Variants in POMT1 observed in about 807,000 individuals in gnomAD.
The protein encoded by POMT1 is protein O-mannosyl-transferase 1.
In POMT1, 85 loss-of-function variants were observed where a neutral mutation model predicts 101.6. The ratio of observed to expected loss-of-function variants is 0.84; its 90% CI spans 0.70 to 1.00. The LOEUF is 1.00. Among genes scored for constraint, POMT1 ranks in the 50% least tolerant of loss-of-function variants. The pLI is 0.00. For synonymous variants in POMT1, 371 were observed against 383.0 expected (o/e 0.97, Z 0.37); for missense variants, 857 against 930.4 (o/e 0.92, Z 1.03).
rs1177213981 is a variant in POMT1 at position 131,519,244 on chromosome 9, G to A, written c.1487-145G>A. 3.1e-6 allele frequency: 3 copies of A among 952,512 alleles called. No homozygotes were observed. The highest frequency in any genetic ancestry group is 4.9e-6 in the Non-Finnish European group (3 of 615,190). The allele number at this position is 952,512 out of a possible 1,614,324, so 59.0% of individuals were successfully genotyped here. A position where few individuals can be genotyped will look rare whatever the true frequency, so the allele number is the denominator to read the frequency against. Reference sequence around the variant, plus strand: ...GACCGGGCAGTCTTGGGTGTGGTGGGGAAAGCTAAGTGGAATGATGCGGTT... The same window carrying A: ...GACCGGGCAGTCTTGGGTGTGGTGGAGAAAGCTAAGTGGAATGATGCGGTT... On this transcript the variant is annotated intron_variant, in intron 15 of 19. Transcript: ENST00000402686. The surrounding 1 kb of genome is among the most constrained non-coding windows in gnomAD (Gnocchi z 4.3).
intron 17 of POMT1, 30 bp downstream of exon 17, chr9:131,520,223 C>A: frequency 6.5e-7 from 1 of 1,541,312 alleles, no homozygotes; most frequent in Non-Finnish European, 9.0e-7. Context: ...AGCTGACAGT[C>A]ATAGATTCAT....
At chr9:131,508,788 T>TA in intron 5 of POMT1, 123 bp from the exon 6 acceptor site, 1 of 726,446 alleles carries the variant, frequency 1.4e-6, no homozygotes, top group Non-Finnish European at 2.5e-6. Context: ...TGTTTTAACA[T>TA]TCACAACAGC....
chr9:131,517,581 C>G (rs1488559896), intron 13 of POMT1, among the ~76,000 whole-genome samples: 1 of 152,154 alleles, frequency 6.6e-6, no homozygotes, highest in Non-Finnish European at 1.5e-5. Flanking sequence ...TCCAGATTGG[C>G]TGTTCCATTT....
At chr9:131,506,807 G>C in intron 4 of POMT1, 1 of 356,070 alleles carries the variant, frequency 2.8e-6, no homozygotes, top group South Asian at 2.4e-5. Context: ...GCTGGCTCAC[G>C]CCTGTAATCC....
chr9:131,519,926 G>T lies in POMT1; in HGVS notation c.1585-154G>T, dbSNP rs1289121092. ...AGGCCACATTCAGGGCTGGAATCCA[G>T]GTTCTCATCATGCTGCCTCCGATGC... On this transcript the variant is annotated intron_variant, in intron 16 of 19. Coordinates refer to ENST00000402686, the MANE Select transcript of POMT1 (RefSeq NM_001077365.2). The surrounding 1 kb of genome is among the most constrained non-coding windows in gnomAD (Gnocchi z 4.3). 1.3e-5 allele frequency among the ~76,000 whole-genome samples: 2 copies of T among 152,202 alleles called. No homozygotes were observed. The highest frequency in any genetic ancestry group is 6.5e-5 in the Admixed American group (1 of 15,288).
chr9:131,504,153 G>T, intron 1 of POMT1, 36 bp from the exon 2 acceptor site: 1 of 1,612,602 alleles, frequency 6.2e-7, no homozygotes. Flanking sequence ...CCTCTCGTGA[G>T]CCCTCATGGA....
chr9:131,522,389 A>G lies in POMT1; in HGVS notation c.2003+165A>G. The G allele has an allele frequency of 1.6e-5, 22 of 1,378,064 alleles. No individual in the cohort carries two copies. Among genetic ancestry groups the G allele is most frequent in the Non-Finnish European group, 2.0e-5 (21 of 1,028,560 alleles). 85.4% of individuals were successfully genotyped at this position (1,378,064 alleles called of 1,614,324 possible). A position where few individuals can be genotyped will look rare whatever the true frequency, so the allele number is the denominator to read the frequency against. On this transcript the variant is annotated intron_variant, in intron 19 of 19. Coordinates refer to ENST00000402686, the MANE Select transcript of POMT1 (RefSeq NM_001077365.2). This position sits in a 1 kb window ranked among gnomAD's most constrained non-coding sequence, Gnocchi z 5.5. ...GGTGAGGTTCAGAAGAGATGCCCAG[A>G]TGAGGCACTGCAGGAACCCAGAGGG...
Position 131,521,327 on chromosome 9 carries a change from A to G in POMT1, c.1699-19A>G, listed in dbSNP as rs761855332. The G allele has an allele frequency of 5.1e-5, 83 of 1,614,128 alleles. 1 individual carries two copies. In the Admixed American group the frequency reaches 1.3e-3, roughly 26 times the overall value. ...GAGCAGAGGGCAGGTGGCTAACAGCATCTCCCATGTTCCCTTAGGCTCAGA... is the reference window on the plus strand; with the variant it reads ...GAGCAGAGGGCAGGTGGCTAACAGCGTCTCCCATGTTCCCTTAGGCTCAGA... On this transcript the variant is annotated intron_variant, in intron 17 of 19. Coordinates refer to ENST00000402686, the MANE Select transcript of POMT1 (RefSeq NM_001077365.2).
In POMT1 at chr9:131,522,213, C is replaced by T. The variant is rs1316365355; in HGVS notation, c.1992C>T (p.Asp664=). 1 of 1,613,760 alleles carries T rather than the reference C, an allele frequency of 6.2e-7. No individual in the cohort carries two copies. Among genetic ancestry groups the T allele is most frequent in the African/African-American group, 1.3e-5 (1 of 75,064 alleles). ...CTGTGGTCCTGCAGCACATCAGCGA[C>T]CACCTGTGCAGGTACGGGGGCTGCG... ...LLPVVLQHIS[D]HLCRSQLQRS... The change falls in exon 19 of 20, where the codon GAC becomes GAT. Residue 664 remains aspartate, a synonymous_variant. Transcript: ENST00000402686. The surrounding 1 kb of genome is among the most constrained non-coding windows in gnomAD (Gnocchi z 5.5).
intron 12 of POMT1, 81 bp from the exon 13 acceptor site, chr9:131,515,345 C>T (rs919299850): frequency 1.4e-6 from 2 of 1,447,808 alleles, no homozygotes; most frequent in Admixed American, 1.7e-5. Flanking sequence ...GAAAAGCAAC[C>T]TTTTCCTGCC....
chr9:131,522,292 A>T lies in POMT1; in HGVS notation c.2003+68A>T. The stretch of plus-strand genomic sequence containing the variant: ...CTCTGCTGGGAAGCCCATGCGCAGC[A>T]AACACATGGGGTGCAGCGAACCTCA... On this transcript the variant is annotated intron_variant, in intron 19 of 19. Transcript: ENST00000402686. The surrounding 1 kb of genome is among the most constrained non-coding windows in gnomAD (Gnocchi z 5.5). 6.2e-7 allele frequency: 1 copy of T among 1,602,268 alleles called. No homozygotes were observed. The highest frequency in any genetic ancestry group is 1.7e-5 in the Admixed American group (1 of 59,762).
intron 9 of POMT1, 129 bp from the exon 10 acceptor site, chr9:131,511,208 T>C: frequency 1.0e-6 from 1 of 971,870 alleles, no homozygotes. Flanking sequence ...TGGGAGATCA[T>C]TACCACTGTT....
At position 131,518,543 on chromosome 9, in the gene POMT1, GAC is replaced by G. The variant is rs1362497211; in HGVS notation, c.1365+9_1365+10del. The G allele has an allele frequency of 1.2e-6, 2 of 1,611,684 alleles. No homozygotes were observed. Among genetic ancestry groups the G allele is most frequent in the African/African-American group, 1.3e-5 (1 of 74,904 alleles). Reference sequence around the variant, plus strand: ...ACACTTCCGCTGTCTTAAAGGTAAGGACACTGTCCGTGGCTTGGCCTGTCCTG... The same window carrying G: ...ACACTTCCGCTGTCTTAAAGGTAAGGACTGTCCGTGGCTTGGCCTGTCCTG... On this transcript the variant is annotated splice_region_variant and intron_variant, in intron 14 of 19. Coordinates refer to ENST00000402686, the MANE Select transcript of POMT1 (RefSeq NM_001077365.2).
intron 6 of POMT1, among the ~76,000 whole-genome samples, chr9:131,509,306 A>G (rs1212812736): frequency 6.6e-6 from 1 of 152,118 alleles, no homozygotes; most frequent in Non-Finnish European, 1.5e-5. Context: ...ACACAGCACC[A>G]TGTCTGGCTA....
intron 12 of POMT1, among the ~76,000 whole-genome samples, chr9:131,514,225 C>T (rs117685709): frequency 6.6e-6 from 1 of 152,182 alleles, no homozygotes; most frequent in African/African-American, 2.4e-5. Context: ...GCCTGCGGAC[C>T]GTGCACAACC....
chr9:131,509,577 TG>T (rs1946639293), intron 6 of POMT1, among the ~76,000 whole-genome samples, 165 bp from the exon 7 acceptor site: 1 of 152,244 alleles, frequency 6.6e-6, no homozygotes. Context: ...AGAAAAATTC[TG>T]CTGGGATGGA....
Position 131,504,751 on chromosome 9 carries a change from GTGTA to G in POMT1, c.122+415_122+418del, listed in dbSNP as rs375566656. On this transcript the variant is annotated intron_variant, in intron 2 of 19. Transcript: ENST00000402686. Reference sequence around the variant, plus strand: ...GGGCTCTTTATTAACTGATTAATGTGTGTATGTGTGTGTGTGTGTGTGTGTGTGT... The same window carrying G: ...GGGCTCTTTATTAACTGATTAATGTGTGTGTGTGTGTGTGTGTGTGTGTGT... 5.6e-3 allele frequency among the ~76,000 whole-genome samples: 784 copies of G among 140,272 alleles called. 15 individuals are homozygous for G. Among genetic ancestry groups the G allele is most frequent in the East Asian group, 0.051 (222 of 4,314 alleles). 92.0% of individuals were successfully genotyped at this position (140,272 alleles called of 152,430 possible). A position where few individuals can be genotyped will look rare whatever the true frequency, so the allele number is the denominator to read the frequency against.
intron 4 of POMT1, 110 bp downstream of exon 4, chr9:131,506,563 C>T: frequency 2.0e-6 from 2 of 981,434 alleles, no homozygotes; most frequent in Non-Finnish European, 3.3e-6. Context: ...CATACCTAGT[C>T]CCACAGAAAC....
chr9:131,514,305 T>G (rs541382807), intron 12 of POMT1, among the ~76,000 whole-genome samples: 14 of 152,252 alleles, frequency 9.2e-5, no homozygotes, highest in African/African-American at 3.4e-4. Flanking sequence ...CCTGACACAC[T>G]TCACCCCCGC....
Sources: gnomAD v4.1 joint callset for allele counts (sites outside exome capture counted in the v4.1 genomes callset) on GRCh38, gnomAD v4.1.1 for gene constraint, Gnocchi (gnomAD v3.1) non-coding constraint, MANE v1.5 for transcripts, NCBI Gene and HGNC (gene_info 2026-07-23, HGNC 2026-07-21) for gene names.